ARID3B: variants seen among roughly 807,000 people sequenced by gnomAD.
ARID3B encodes AT-rich interaction domain 3B.
In ARID3B, 10 loss-of-function variants were observed where a neutral mutation model predicts 51.9. That is an observed-to-expected ratio of 0.19 (90% CI 0.12 to 0.33). The LOEUF (loss-of-function observed/expected upper bound fraction) is 0.33, where lower values mean the gene tolerates loss of function less well. ARID3B is among the 10% of genes least tolerant of loss of function. ARID3B has a pLI of 1.00. For synonymous variants in ARID3B, 205 were observed against 279.5 expected (o/e 0.73, Z 2.66); for missense variants, 483 against 716.3 (o/e 0.67, Z 3.72).
At position 74,597,694 on chromosome 15, in the gene ARID3B, T is replaced by A. The variant is rs1340249940; in HGVS notation, c.*1920T>A. 1 of 510,084 alleles carries A rather than the reference T, an allele frequency of 2.0e-6. No homozygotes were observed. The highest frequency in any genetic ancestry group is 1.9e-5 in the African/African-American group (1 of 52,780). 31.6% of individuals were successfully genotyped at this position (510,084 alleles called of 1,614,324 possible). On this transcript the variant is annotated 3_prime_UTR_variant, in exon 9 of 9. Transcript: ENST00000346246. Reference sequence around the variant, plus strand: ...CAGTATGTCTTTCTCAGGGGTTTGGTCACAAAGGATGGACTCTTCCCACCC... The same window carrying A: ...CAGTATGTCTTTCTCAGGGGTTTGGACACAAAGGATGGACTCTTCCCACCC...
intron 2 of ARID3B, among the ~76,000 whole-genome samples, chr15:74,569,272 G>C (rs1269083384): frequency 6.6e-6 from 1 of 152,194 alleles, no homozygotes; most frequent in Non-Finnish European, 1.5e-5. Flanking sequence ...CGGAGGAGCT[G>C]TGGGGTTGGA....
rs2061636926 is a variant in ARID3B at position 74,551,404 on chromosome 15, G to C, written c.552+6916G>C. 2.0e-5 allele frequency among the ~76,000 whole-genome samples: 3 copies of C among 152,148 alleles called. No homozygotes were observed. The South Asian group carries it at 6.2e-4, about 32-fold the overall frequency. On this transcript the variant is annotated intron_variant, in intron 2 of 8. Transcript: ENST00000346246. Reference sequence around the variant, plus strand: ...AGGGATATGTGTGTATTGTTCTTTAGGTAGAAGTAAGCTTTATAGATACTA... The same window carrying C: ...AGGGATATGTGTGTATTGTTCTTTACGTAGAAGTAAGCTTTATAGATACTA...
chr15:74,544,560 CA>C, intron 2 of ARID3B, 72 bp downstream of exon 2: 1 of 1,506,038 alleles, frequency 6.6e-7, no homozygotes. Flanking sequence ...CTGACAGGGT[CA>C]GGGGCTGTGC....
chr15:74,590,081 G>T, intron 5 of ARID3B, 78 bp downstream of exon 5: 1 of 1,391,634 alleles, frequency 7.2e-7, no homozygotes, highest in Non-Finnish European at 9.6e-7. Context: ...AGGAAGGAAG[G>T]AAATTCCTTT....
chr15:74,555,648 C>T (rs917496169), intron 2 of ARID3B, among the ~76,000 whole-genome samples: 1 of 151,366 alleles, frequency 6.6e-6, no homozygotes, highest in East Asian at 2.0e-4. Flanking sequence ...GCTATTTTGA[C>T]CTCCTCCCAT....
chr15:74,549,602 T>C (rs2061629046), intron 2 of ARID3B, among the ~76,000 whole-genome samples: 1 of 151,324 alleles, frequency 6.6e-6, no homozygotes, highest in Non-Finnish European at 1.5e-5. Flanking sequence ...AGATACAGCA[T>C]GACTATGGAA....
At chr15:74,555,774 C>T (rs1203323410) in intron 2 of ARID3B, among the ~76,000 whole-genome samples, 2 of 148,830 alleles carry the variant, frequency 1.3e-5, no homozygotes, top group Non-Finnish European at 1.5e-5. Flanking sequence ...TGTAGCCTTA[C>T]GAGCTGTATT....
chr15:74,566,182 G>T (rs1011777427), intron 2 of ARID3B, among the ~76,000 whole-genome samples: 2 of 152,084 alleles, frequency 1.3e-5, no homozygotes, highest in Non-Finnish European at 2.9e-5. Context: ...CCCCAGTGCA[G>T]GCTTTCCCTC....
chr15:74,593,339 C>A, intron 8 of ARID3B, 103 bp downstream of exon 8: 1 of 1,021,458 alleles, frequency 9.8e-7, no homozygotes, highest in Non-Finnish European at 1.4e-6. Flanking sequence ...ACACCTCCCA[C>A]AGTGGCTTCC....
chr15:74,580,681 C>T lies in ARID3B; in HGVS notation c.697+7477C>T, dbSNP rs8042063. On this transcript the variant is annotated intron_variant, in intron 4 of 8. Coordinates refer to ENST00000346246, the MANE Select transcript of ARID3B (RefSeq NM_006465.4). ...CTAAGGCCACAGAGCAGACTTAGCA[C>T]GCGGTCTCCTAACTCCCAGGCCAGT... Among the ~76,000 whole-genome samples, 926 of 152,296 alleles carry T rather than the reference C, an allele frequency of 6.1e-3. 5 individuals are homozygous for T. Among genetic ancestry groups the T allele is most frequent in the African/African-American group, 0.022 (899 of 41,560 alleles).
In ARID3B at chr15:74,544,194, C is replaced by T. The variant is rs1487116219; in HGVS notation, c.258C>T (p.Asn86=). ...TGGCCCAAGTGTTTGAACGGGGCAA[C>T]ATGAACTCAGAGCCTGAGGAAGAGG... is the stretch of plus-strand genomic sequence containing the variant. The part of the protein sequence containing the change: ...AAVAQVFERG[N]MNSEPEEEDG... The change falls in exon 2 of 9, where the codon AAC becomes AAT. Residue 86 remains asparagine (N), a synonymous_variant. Coordinates refer to ENST00000346246, the MANE Select transcript of ARID3B (RefSeq NM_006465.4). The T allele has an allele frequency of 3.1e-6, 5 of 1,614,000 alleles. No homozygotes were observed. The highest frequency in any genetic ancestry group is 4.2e-6 in the Non-Finnish European group (5 of 1,179,862).
Position 74,591,914 on chromosome 15 carries a change from T to G in ARID3B, c.1420+100T>G. ...GCAGGGGTGGTGAGGCACATACTCC[T>G]GACCTGGAAGAGGCCCCTCCAGGTT... On this transcript the variant is annotated intron_variant, in intron 7 of 8. Coordinates refer to ENST00000346246, the MANE Select transcript of ARID3B (RefSeq NM_006465.4). The surrounding 1 kb of genome is among the most constrained non-coding windows in gnomAD (Gnocchi z 5.8). 1.3e-6 allele frequency: 2 copies of G among 1,517,608 alleles called. No individual in the cohort carries two copies. Among genetic ancestry groups the G allele is most frequent in the Non-Finnish European group, 1.8e-6 (2 of 1,129,944 alleles). The allele number at this position is 1,517,608 out of a possible 1,614,324, so 94.0% of individuals were successfully genotyped here. A position where few individuals can be genotyped will look rare whatever the true frequency, so the allele number is the denominator to read the frequency against.
At chr15:74,549,988 C>T (rs1206411862) in intron 2 of ARID3B, among the ~76,000 whole-genome samples, 1 of 152,188 alleles carries the variant, frequency 6.6e-6, no homozygotes, top group Non-Finnish European at 1.5e-5. Context: ...GATTGTGCAA[C>T]CAGAAAGAAC....
intron 2 of ARID3B, among the ~76,000 whole-genome samples, chr15:74,563,215 A>AG (rs2061685342): frequency 6.6e-6 from 1 of 152,216 alleles, no homozygotes; most frequent in South Asian, 2.1e-4. Context: ...CCGGTGGCAT[A>AG]GGGACAGTTG....
intron 2 of ARID3B, among the ~76,000 whole-genome samples, chr15:74,564,349 A>G (rs1305574334): frequency 6.6e-6 from 1 of 152,190 alleles, no homozygotes; most frequent in Non-Finnish European, 1.5e-5. Flanking sequence ...TCTTTTCTTC[A>G]TACCAAGATC....
At chr15:74,593,863 A>G (rs1377921104) in intron 8 of ARID3B, among the ~76,000 whole-genome samples, 2 of 151,922 alleles carry the variant, frequency 1.3e-5, no homozygotes, top group African/African-American at 4.8e-5. Context: ...CAACATAGCA[A>G]AATCCCAAAT....
intron 2 of ARID3B, 131 bp from the exon 3 acceptor site, chr15:74,572,731 T>C: frequency 1.2e-6 from 1 of 861,818 alleles, no homozygotes; most frequent in Non-Finnish European, 1.9e-6. Context: ...CTGAGTTGTC[T>C]TTTATAGTAT....
At chr15:74,594,170 T>C (rs2061814602) in intron 8 of ARID3B, among the ~76,000 whole-genome samples, 1 of 152,190 alleles carries the variant, frequency 6.6e-6, no homozygotes, top group Non-Finnish European at 1.5e-5. Context: ...ACAGCATTGC[T>C]GGGCGCGGTG....
At chr15:74,543,628 A>G (rs973297175) in intron 1 of ARID3B, among the ~76,000 whole-genome samples, 2 of 151,956 alleles carry the variant, frequency 1.3e-5, no homozygotes, top group Non-Finnish European at 2.9e-5. Context: ...TGCTACTACT[A>G]CTGAAATTCA....
Sources: gnomAD v4.1 joint callset for allele counts (sites outside exome capture counted in the v4.1 genomes callset) on GRCh38, gnomAD v4.1.1 for gene constraint, Gnocchi (gnomAD v3.1) non-coding constraint, MANE v1.5 for transcripts, NCBI Gene and HGNC (gene_info 2026-07-23, HGNC 2026-07-21) for gene names.